The following GALNT18 variants were observed in gnomAD, a reference collection of about 807,000 sequenced individuals.
The protein encoded by GALNT18 is GalNAc-transferase 18.
A neutral mutation model predicts 69.5 loss-of-function variants in GALNT18; 44 were observed. The ratio of observed to expected loss-of-function variants is 0.63; its 90% CI spans 0.50 to 0.81. The LOEUF (loss-of-function observed/expected upper bound fraction) is 0.81, where lower values mean the gene tolerates loss of function less well. Among genes scored for constraint, GALNT18 ranks in the 40% least tolerant of loss-of-function variants. The pLI is 0.00. For synonymous variants in GALNT18, 364 were observed against 318.2 expected (o/e 1.14, Z -1.53); for missense variants, 715 against 810.0 (o/e 0.88, Z 1.42).
intron 1 of GALNT18, among the ~76,000 whole-genome samples, chr11:11,533,276 C>T (rs947852355): frequency 6.6e-6 from 1 of 152,164 alleles, no homozygotes; most frequent in Non-Finnish European, 1.5e-5. Context: ...GATCTGTCAT[C>T]ACCTGCAGGC....
chr11:11,273,373 T>C (rs1848867353), intron 10 of GALNT18, among the ~76,000 whole-genome samples: 1 of 151,848 alleles, frequency 6.6e-6, no homozygotes, highest in Non-Finnish European at 1.5e-5. Flanking sequence ...AAAAATCCAA[T>C]TAAAAAATGG....
intron 1 of GALNT18, among the ~76,000 whole-genome samples, chr11:11,452,990 T>C (rs533574187): frequency 3.3e-5 from 5 of 152,144 alleles, no homozygotes; most frequent in Admixed American, 1.3e-4. Context: ...AGGGGAGTAT[T>C]TGGAGGATTC....
rs1857933497 is a variant in GALNT18, at chr11:11,541,848, G to A, written c.235+79511C>T. Among the ~76,000 whole-genome samples, 2 of 152,202 alleles carry A rather than the reference G, an allele frequency of 1.3e-5. No homozygotes were observed. The highest frequency in any genetic ancestry group is 1.3e-4 in the Admixed American group (2 of 15,282). On this transcript the variant is annotated intron_variant, in intron 1 of 10. Transcript: ENST00000227756. This position sits in a 1 kb window ranked among gnomAD's most constrained non-coding sequence, Gnocchi z 4.8. ...CCCAGAAGCCTCTCCCGAAGAGTGA[G>A]CAGGTTGCTTTCCCTCAGCCTGGCC...
At chr11:11,525,657 G>A (rs1857503442) in intron 1 of GALNT18, among the ~76,000 whole-genome samples, 1 of 115,442 alleles carries the variant, frequency 8.7e-6, no homozygotes, top group South Asian at 2.8e-4. Flanking sequence ...TTTTTGAGAT[G>A]GAGTTTCGCT....
intron 10 of GALNT18, among the ~76,000 whole-genome samples, chr11:11,286,464 G>A (rs540677312): frequency 2.0e-5 from 3 of 152,030 alleles, no homozygotes; most frequent in South Asian, 2.1e-4. Context: ...CTATTAACAT[G>A]AAATGTCTTT....
At chr11:11,450,978 T>C (rs1350296868) in intron 1 of GALNT18, among the ~76,000 whole-genome samples, 1 of 152,070 alleles carries the variant, frequency 6.6e-6, no homozygotes, top group Non-Finnish European at 1.5e-5. Context: ...GTACGTGAAG[T>C]ACAAAGACAA....
In GALNT18 at chr11:11,619,733, T is replaced by C. The variant is rs2073306033; in HGVS notation, c.235+1626A>G. Among the ~76,000 whole-genome samples, 1 of 152,152 alleles carries C rather than the reference T, an allele frequency of 6.6e-6. No individual in the cohort carries two copies. The highest frequency in any genetic ancestry group is 2.4e-5 in the African/African-American group (1 of 41,432). ...CCTGGGGGAAACACTGTACTTCTATTGCTGATTAATAGTCAATCAAGACCT... is the reference window on the plus strand; with the variant it reads ...CCTGGGGGAAACACTGTACTTCTATCGCTGATTAATAGTCAATCAAGACCT... On this transcript the variant is annotated intron_variant, in intron 1 of 10. Transcript: ENST00000227756. This position sits in a 1 kb window ranked among gnomAD's most constrained non-coding sequence, Gnocchi z 4.9.
At chr11:11,574,875 G>A (rs1268790631) in intron 1 of GALNT18, among the ~76,000 whole-genome samples, 1 of 152,212 alleles carries the variant, frequency 6.6e-6, no homozygotes, top group Non-Finnish European at 1.5e-5. Flanking sequence ...ACACTCCCCG[G>A]AGGCTAAAGA....
intron 1 of GALNT18, among the ~76,000 whole-genome samples, chr11:11,453,704 G>A (rs1359517120): frequency 6.6e-6 from 1 of 152,052 alleles, no homozygotes; most frequent in Non-Finnish European, 1.5e-5. Flanking sequence ...GAGATCTGAC[G>A]GTTTTATAAA....
rs1277801608 is a variant in GALNT18 at position 11,596,842 on chromosome 11, G to A, written c.235+24517C>T. Among the ~76,000 whole-genome samples, 2 of 152,086 alleles carry A rather than the reference G, an allele frequency of 1.3e-5. No individual in the cohort carries two copies. The highest frequency in any genetic ancestry group is 6.5e-5 in the Admixed American group (1 of 15,274). ...ACATCTGGTATAATATTAAATAGGCGTGATGACAGCAGATATGCTTCTGTT... is the reference window on the plus strand; with the variant it reads ...ACATCTGGTATAATATTAAATAGGCATGATGACAGCAGATATGCTTCTGTT... On this transcript the variant is annotated intron_variant, in intron 1 of 10. Transcript: ENST00000227756. This position sits in a 1 kb window ranked among gnomAD's most constrained non-coding sequence, Gnocchi z 4.2.
Position 11,540,357 on chromosome 11 carries a change from G to C in GALNT18, c.235+81002C>G, listed in dbSNP as rs1857886530. ...GTGACTCCTACATCCCTGATGCTAG[G>C]ACAAGAGCATGCCAAGAGCCCTGGG... On this transcript the variant is annotated intron_variant, in intron 1 of 10. Coordinates refer to ENST00000227756, the MANE Select transcript of GALNT18 (RefSeq NM_198516.3). The surrounding 1 kb of genome is among the most constrained non-coding windows in gnomAD (Gnocchi z 4.6). Among the ~76,000 whole-genome samples, 1 of 152,146 alleles carries C rather than the reference G, an allele frequency of 6.6e-6. No homozygotes were observed. The highest frequency in any genetic ancestry group is 6.5e-5 in the Admixed American group (1 of 15,284).
intron 1 of GALNT18, among the ~76,000 whole-genome samples, chr11:11,577,681 G>A (rs1048368639): frequency 2.6e-5 from 4 of 152,312 alleles, no homozygotes; most frequent in East Asian, 1.9e-4. Flanking sequence ...TGGAGGATTC[G>A]GGACCATGCC....
chr11:11,491,298 A>G (rs1177283698), intron 1 of GALNT18, among the ~76,000 whole-genome samples: 1 of 152,152 alleles, frequency 6.6e-6, no homozygotes, highest in African/African-American at 2.4e-5. Context: ...AAAAAGATAT[A>G]CTATCATCCA....
chr11:11,466,204 C>A (rs1169612458), intron 1 of GALNT18, among the ~76,000 whole-genome samples: 1 of 152,180 alleles, frequency 6.6e-6, no homozygotes, highest in African/African-American at 2.4e-5. Flanking sequence ...GATTTCATGG[C>A]CTGCTGGGTG....
rs1212510234 is a variant in GALNT18 at position 11,563,925 on chromosome 11, A to G, written c.235+57434T>C. The stretch of plus-strand genomic sequence containing the variant: ...GTTCTGAAAGCAAGAAACTGTTGAT[A>G]GAGGAAAAAATGCAGAGAGAAGGAT... On this transcript the variant is annotated intron_variant, in intron 1 of 10. Coordinates refer to ENST00000227756, the MANE Select transcript of GALNT18 (RefSeq NM_198516.3). This position sits in a 1 kb window ranked among gnomAD's most constrained non-coding sequence, Gnocchi z 4.6. Among the ~76,000 whole-genome samples the G allele has an allele frequency of 6.6e-6, 1 of 152,200 alleles. No homozygotes were observed. Among genetic ancestry groups the G allele is most frequent in the African/African-American group, 2.4e-5 (1 of 41,464 alleles).
chr11:11,527,987 C>T (rs1398809338), intron 1 of GALNT18, among the ~76,000 whole-genome samples: 1 of 152,210 alleles, frequency 6.6e-6, no homozygotes. Context: ...AAGCACTTAG[C>T]ATGGGTTATC....
intron 10 of GALNT18, among the ~76,000 whole-genome samples, chr11:11,272,869 C>G (rs937357853): frequency 6.6e-6 from 1 of 152,166 alleles, no homozygotes; most frequent in Non-Finnish European, 1.5e-5. Context: ...GGATGTCATC[C>G]AAGTCTGCCA....
At chr11:11,503,733 G>A (rs76430914) in intron 1 of GALNT18, among the ~76,000 whole-genome samples, 3,026 of 152,294 alleles carry the variant, frequency 0.02, 96 homozygotes, top group African/African-American at 0.065. Flanking sequence ...TTCTGTGACC[G>A]TTCCAACTGT....
chr11:11,469,835 A>AC lies in GALNT18; in HGVS notation c.236-20900dup, dbSNP rs1856232898. Among the ~76,000 whole-genome samples the AC allele has an allele frequency of 2.0e-5, 3 of 151,818 alleles. No individual in the cohort carries two copies. The highest frequency in any genetic ancestry group is 2.9e-5 in the Non-Finnish European group (2 of 67,964). The stretch of plus-strand genomic sequence containing the variant: ...GTTAGACATGGGGCCTTTTCCAAGG[A>AC]CCCCCTCAGCCTGTCTTCCACTCAG... On this transcript the variant is annotated intron_variant, in intron 1 of 10. Transcript: ENST00000227756. This position sits in a 1 kb window ranked among gnomAD's most constrained non-coding sequence, Gnocchi z 4.2.
Sources: gnomAD v4.1 joint callset for allele counts (sites outside exome capture counted in the v4.1 genomes callset) on GRCh38, gnomAD v4.1.1 for gene constraint, Gnocchi (gnomAD v3.1) non-coding constraint, MANE v1.5 for transcripts, NCBI Gene and HGNC (gene_info 2026-07-23, HGNC 2026-07-21) for gene names.